OSBPL1A: variants seen among roughly 807,000 people sequenced by gnomAD.
OSBPL1A encodes the protein oxysterol-binding protein-related protein 1.
OSBPL1A carries 80 observed loss-of-function variants against 137.1 expected under a neutral mutation model. The ratio of observed to expected loss-of-function variants is 0.58; its 90% CI spans 0.49 to 0.70. The LOEUF (loss-of-function observed/expected upper bound fraction) is 0.70, where lower values mean the gene tolerates loss of function less well. Among genes scored for constraint, OSBPL1A ranks in the 30% least tolerant of loss-of-function variants. The pLI is 0.00. For synonymous variants in OSBPL1A, 365 were observed against 389.7 expected (o/e 0.94, Z 0.75); for missense variants, 970 against 1,129.4 (o/e 0.86, Z 2.02).
chr18:24,218,331 T>C (rs2087772350), intron 17 of OSBPL1A: 2 of 152,198 alleles, frequency 1.3e-5, no homozygotes, highest in Admixed American at 6.5e-5. Context: ...ATACTAAACA[T>C]TGAAATGATA....
chr18:24,330,648 T>C (rs866764913), intron 7 of OSBPL1A, among the ~76,000 whole-genome samples: 1 of 151,380 alleles, frequency 6.6e-6, no homozygotes, highest in African/African-American at 2.4e-5. Flanking sequence ...CCACTTGAAC[T>C]CCTGACCTCA....
intron 1 of OSBPL1A, among the ~76,000 whole-genome samples, chr18:24,394,292 T>TA (rs1907577645): frequency 6.6e-6 from 1 of 152,202 alleles, no homozygotes; most frequent in Non-Finnish European, 1.5e-5. Flanking sequence ...TATCACCAGG[T>TA]ATTTATCTTA....
intron 15 of OSBPL1A, among the ~76,000 whole-genome samples, chr18:24,274,406 T>C (rs1194556506): frequency 6.6e-6 from 1 of 152,078 alleles, no homozygotes; most frequent in African/African-American, 2.4e-5. Flanking sequence ...GCTTCTGATA[T>C]AAGCATATGT....
At chr18:24,334,936 C>T (rs1473806327) in intron 5 of OSBPL1A, among the ~76,000 whole-genome samples, 1 of 152,188 alleles carries the variant, frequency 6.6e-6, no homozygotes, top group Non-Finnish European at 1.5e-5. Flanking sequence ...CTCGCCCAGG[C>T]TGGAGTGCAG....
chr18:24,177,880 G>A (rs1209560072), intron 21 of OSBPL1A, 133 bp downstream of exon 21: 7 of 779,218 alleles, frequency 9.0e-6, no homozygotes, highest in African/African-American at 3.5e-5. Flanking sequence ...TTACATAGAC[G>A]TAGACAGTTT....
intron 17 of OSBPL1A, among the ~76,000 whole-genome samples, chr18:24,204,292 GT>G (rs2087305349): frequency 1.3e-5 from 2 of 152,254 alleles, no homozygotes; most frequent in Admixed American, 1.3e-4. Context: ...CTACTAGTGA[GT>G]TAGAACATTT....
In OSBPL1A at chr18:24,171,498, C is replaced by T; in HGVS notation, c.2202G>A (p.Lys734=). 2 of 1,608,304 alleles carry T rather than the reference C, an allele frequency of 1.2e-6. No homozygotes were observed. The highest frequency in any genetic ancestry group is 1.7e-6 in the Non-Finnish European group (2 of 1,176,508). Residue 734 remains lysine (K), a splice_region_variant and synonymous_variant, in exon 23 of 28, where the codon AAG becomes AAA. Transcript: ENST00000319481. ...AATTCAACACACATTTGTCCCCAGT[C>T]CTATAAAGAAAATACTAAGTTCAGA... is the stretch of plus-strand genomic sequence containing the variant. ...QYGNVEIINH[K]TGDKCVLNFK... is the part of the protein sequence containing the mutation.
Position 24,366,913 on chromosome 18 carries a change from T to C in OSBPL1A, c.261A>G (p.Arg87=), listed in dbSNP as rs541122260. The change falls in exon 4 of 28, where the codon CGA becomes CGG. Residue 87 remains arginine (R), a synonymous_variant. Coordinates refer to ENST00000319481, the MANE Select transcript of OSBPL1A (RefSeq NM_080597.4). ...TCACCTTTCGTCCTGTAAAGGCAGC[T>C]CGATGAAGCGGCGTGTCTCCCATGT... is the stretch of plus-strand genomic sequence containing the variant. ...LNDMGDTPLH[R]AAFTGRKELV... The C allele has an allele frequency of 1.2e-6, 2 of 1,612,244 alleles. No homozygotes were observed. The highest frequency in any genetic ancestry group is 3.3e-5 in the Admixed American group (2 of 59,822).
At chr18:24,385,129 T>C (rs1906872013) in intron 1 of OSBPL1A, among the ~76,000 whole-genome samples, 1 of 151,908 alleles carries the variant, frequency 6.6e-6, no homozygotes, top group Non-Finnish European at 1.5e-5. Context: ...TAATTTTTTG[T>C]ATTTTTAGTA....
intron 1 of OSBPL1A, among the ~76,000 whole-genome samples, chr18:24,378,300 G>A (rs1906341726): frequency 6.6e-6 from 1 of 152,118 alleles, no homozygotes. Context: ...AACAATGCTG[G>A]CATGGGCAGG....
At chr18:24,272,374 C>G in intron 15 of OSBPL1A, 2 of 790,636 alleles carry the variant, frequency 2.5e-6, no homozygotes, top group Non-Finnish European at 1.5e-6. Flanking sequence ...GTTTACGGTT[C>G]CAAAACCAAG....
intron 15 of OSBPL1A, among the ~76,000 whole-genome samples, chr18:24,275,704 A>G (rs1377827313): frequency 6.6e-6 from 1 of 151,392 alleles, no homozygotes; most frequent in Non-Finnish European, 1.5e-5. Context: ...TCTTTCCATT[A>G]TACCACAAAA....
At chr18:24,360,368 C>T (rs1259009339) in intron 4 of OSBPL1A, among the ~76,000 whole-genome samples, 1 of 152,186 alleles carries the variant, frequency 6.6e-6, no homozygotes, top group Non-Finnish European at 1.5e-5. Flanking sequence ...CTTACTGAAT[C>T]ACAGGATCAT....
At chr18:24,274,900 C>T (rs188669619) in intron 15 of OSBPL1A, among the ~76,000 whole-genome samples, 403 of 151,292 alleles carry the variant, frequency 2.7e-3, no homozygotes, top group African/African-American at 9.2e-3. Flanking sequence ...CAGAGTAAGA[C>T]TCCATCTCAA....
intron 15 of OSBPL1A, among the ~76,000 whole-genome samples, chr18:24,273,882 A>G (rs866426735): frequency 6.6e-6 from 1 of 152,142 alleles, no homozygotes; most frequent in Middle Eastern, 3.2e-3. Flanking sequence ...GCAATGGGGA[A>G]CTGTATGCTG....
At chr18:24,195,611 A>C (rs1389554247) in intron 18 of OSBPL1A, among the ~76,000 whole-genome samples, 3 of 152,170 alleles carry the variant, frequency 2.0e-5, no homozygotes, top group African/African-American at 7.2e-5. Context: ...GGTGGTGTTG[A>C]CTACTACCTT....
At chr18:24,206,913 G>A (rs1213742376) in intron 17 of OSBPL1A, among the ~76,000 whole-genome samples, 1 of 152,146 alleles carries the variant, frequency 6.6e-6, no homozygotes, top group Non-Finnish European at 1.5e-5. Context: ...GAGACTCTGA[G>A]ATTAGAGACT....
chr18:24,314,253 C>A lies in OSBPL1A; in HGVS notation c.965G>T (p.Arg322Ile). ...TACATGAATCCATAAGATTACCTCTCTTGACTGCTGAAGGCTATTCTTAGG... is the reference window on the plus strand; with the variant it reads ...TACATGAATCCATAAGATTACCTCTATTGACTGCTGAAGGCTATTCTTAGG... The part of the protein sequence containing the change: ...RVPKNSLQQS[R>I]EDWLEAIEEH... Residue 322 changes from arginine to isoleucine, a missense_variant, in exon 12 of 28, where the codon AGA (arginine) becomes ATA (isoleucine). Physicochemically the swap from Arg to Ile is moderately conservative, Grantham distance 97. Transcript: ENST00000319481. The A allele has an allele frequency of 6.3e-7, 1 of 1,592,026 alleles. No individual in the cohort carries two copies. Among genetic ancestry groups the A allele is most frequent in the Admixed American group, 1.8e-5 (1 of 56,130 alleles).
At chr18:24,200,957 G>C (rs2087201420) in intron 17 of OSBPL1A, among the ~76,000 whole-genome samples, 1 of 152,088 alleles carries the variant, frequency 6.6e-6, no homozygotes, top group African/African-American at 2.4e-5. Flanking sequence ...AAAAAGAAGA[G>C]AGAATTCCCG....
Sources: gnomAD v4.1 joint callset for allele counts (sites outside exome capture counted in the v4.1 genomes callset) on GRCh38, gnomAD v4.1.1 for gene constraint, MANE v1.5 for transcripts, NCBI Gene and HGNC (gene_info 2026-07-23, HGNC 2026-07-21) for gene names.